The following CR2 variants were observed in gnomAD, a reference collection of about 807,000 sequenced individuals.
CR2 encodes complement receptor type 2.
Under a neutral mutation model 123.0 loss-of-function variants are expected in CR2, and 96 were observed. The ratio of observed to expected loss-of-function variants is 0.78; its 90% CI spans 0.66 to 0.93. The LOEUF is 0.93. Ranked by LOEUF, CR2 falls within the 40% of genes least tolerant of loss-of-function variation. The pLI, the probability that CR2 is intolerant of heterozygous loss-of-function variation, is 0.00. For missense variants in CR2, 1,258 were observed against 1,361.0 expected, an observed-to-expected ratio of 0.92 and a Z score of 1.19; for synonymous variants, 484 against 469.5, an observed-to-expected ratio of 1.03 and a Z score of -0.40.
chr1:207,466,645 G>GA lies in CR2; in HGVS notation c.184dup (p.Ser62LysfsTer7). 3.7e-6 allele frequency: 6 copies of GA among 1,614,068 alleles called. No homozygotes were observed. The highest frequency in any genetic ancestry group is 5.1e-6 in the Non-Finnish European group (6 of 1,179,976). On this transcript the variant is annotated frameshift_variant, in exon 2 of 20. Coordinates refer to ENST00000367057, the MANE Select transcript of CR2 (RefSeq NM_001006658.3). LOFTEE classifies it high-confidence loss of function. ...TTCAGGTACCTTCCGCCTCATTGGAGAAAAAAGTCTATTATGCATAACTAA... is the reference window on the plus strand; with the variant it reads ...TTCAGGTACCTTCCGCCTCATTGGAGAAAAAAAGTCTATTATGCATAACTAA...
intron 14 of CR2, 82 bp downstream of exon 14, chr1:207,475,298 C>A: frequency 6.7e-7 from 1 of 1,494,654 alleles, no homozygotes; most frequent in Admixed American, 1.9e-5. Context: ...TGACATTCTG[C>A]CTAAAGAAAA....
chr1:207,486,230 C>CAAAAAAAAAAAAAAAAA lies in CR2; in HGVS notation c.*18+668_*18+684dup, dbSNP rs1173937738. Among the ~76,000 whole-genome samples the CAAAAAAAAAAAAAAAAA allele has an allele frequency of 1.0e-3, 43 of 43,004 alleles. 4 individuals are homozygous for CAAAAAAAAAAAAAAAAA. Among genetic ancestry groups the CAAAAAAAAAAAAAAAAA allele is most frequent in the East Asian group, 8.8e-3 (6 of 680 alleles). 28.2% of individuals were successfully genotyped at this position (43,004 alleles called of 152,430 possible). On this transcript the variant is annotated intron_variant, in intron 19 of 19. Coordinates refer to ENST00000367057, the MANE Select transcript of CR2 (RefSeq NM_001006658.3). ...TGGACAACAGAGCAAGACTGCATCT[C>CAAAAAAAAAAAAAAAAA]AAAAAAAAAAAAAAAAAAAAAAAAA...
rs143614333 is a variant in CR2, at chr1:207,472,877, G to A, written c.1676G>A (p.Gly559Glu). Residue 559 changes from glycine to glutamate, a missense_variant, in exon 10 of 20, where the codon GGG becomes GAG. By Grantham distance (98) the Gly-to-Glu change is moderately conservative (BLOSUM62 -2). Transcript: ENST00000367057. ...ACGGTCACTTACACATGTAACCCTG[G>A]GCCAGAAAGAGGAGTGGAATTCAGC... The part of the protein sequence containing the change: ...GTTVTYTCNP[G>E]PERGVEFSLI... 6.3e-4 allele frequency: 1,009 copies of A among 1,613,946 alleles called. 4 individuals are homozygous for A. The Middle Eastern group carries it at 0.014, about 22-fold the overall frequency.
chr1:207,462,032 T>TATGTTAGGGTGTTAGG (rs1657979343), intron 1 of CR2, among the ~76,000 whole-genome samples: 1 of 152,176 alleles, frequency 6.6e-6, no homozygotes, highest in Non-Finnish European at 1.5e-5. Context: ...GTATCCATAC[T>TATGTTAGGGTGTTAGG]GTGTTAGGGT....
Position 207,475,272 on chromosome 1 carries a change from G to T in CR2, c.2716+56G>T, listed in dbSNP as rs544000344. On this transcript the variant is annotated intron_variant, in intron 14 of 19. Transcript: ENST00000367057. Reference sequence around the variant, plus strand: ...ATGTTGTACAGAATAAAGAAAAGAGGTTTTGAATCTGCACTTGACATTCTG... The same window carrying T: ...ATGTTGTACAGAATAAAGAAAAGAGTTTTTGAATCTGCACTTGACATTCTG... 4.6e-5 allele frequency: 73 copies of T among 1,583,874 alleles called. No individual in the cohort carries two copies. In the African/African-American group the frequency reaches 9.2e-4, roughly 20 times the overall value.
At chr1:207,486,045 A>G (rs1297626957) in intron 19 of CR2, among the ~76,000 whole-genome samples, 2 of 151,982 alleles carry the variant, frequency 1.3e-5, no homozygotes, top group East Asian at 3.9e-4. Context: ...ACTCTGTTCA[A>G]CATGGTAAAA....
rs1490877307 is a variant in CR2, at chr1:207,479,280, G to A, written c.3112G>A (p.Gly1038Ser). 5 of 1,596,230 alleles carry A rather than the reference G, an allele frequency of 3.1e-6. No homozygotes were observed. The highest frequency in any genetic ancestry group is 8.6e-7 in the Non-Finnish European group (1 of 1,164,812). The change falls in exon 17 of 20, where the codon GGT (glycine) becomes AGT (serine). Residue 1038 changes from glycine to serine, a missense_variant and splice_region_variant. By Grantham distance (56) the Gly-to-Ser change is moderately conservative (BLOSUM62 0). Coordinates refer to ENST00000367057, the MANE Select transcript of CR2 (RefSeq NM_001006658.3). Reference sequence around the variant, plus strand: ...AGGTTCACTTGCTCCTGTCCTTTGTGGTAAGTCTTCTTAAATACTTGAAGA... The same window carrying A: ...AGGTTCACTTGCTCCTGTCCTTTGTAGTAAGTCTTCTTAAATACTTGAAGA... Reference protein sequence around the residue: ...RSRSLAPVLCGIAAGLILLTF... With the variant: ...RSRSLAPVLCSIAAGLILLTF...
At chr1:207,474,099 C>A in intron 12 of CR2, 142 bp from the exon 13 acceptor site, 3 of 887,152 alleles carry the variant, frequency 3.4e-6, no homozygotes, top group Non-Finnish European at 5.5e-6. Flanking sequence ...AGTTTTTTTA[C>A]TTGGAGTAAA....
rs560015607 is a variant in CR2 at position 207,467,531 on chromosome 1, C to A, written c.445+619C>A. Among the ~76,000 whole-genome samples, 3 of 151,838 alleles carry A rather than the reference C, an allele frequency of 2.0e-5. No homozygotes were observed. In the South Asian group the frequency reaches 6.2e-4, roughly 32 times the overall value. ...AATATAAATCTGAATTTGAATTCCA[C>A]AATTACAAGAAATGGCAATATTTGA... On this transcript the variant is annotated intron_variant, in intron 2 of 19. Transcript: ENST00000367057.
intron 1 of CR2, among the ~76,000 whole-genome samples, chr1:207,463,392 A>G (rs1374923700): frequency 1.3e-5 from 2 of 152,176 alleles, no homozygotes; most frequent in South Asian, 4.1e-4. Context: ...CTCCAGAGAC[A>G]CTGCTTCAAG....
chr1:207,464,628 A>C (rs1658049284), intron 1 of CR2, among the ~76,000 whole-genome samples: 1 of 152,206 alleles, frequency 6.6e-6, no homozygotes, highest in Non-Finnish European at 1.5e-5. Flanking sequence ...AGAAGTTGAA[A>C]ATGGAGTTGT....
At chr1:207,474,129 G>T (rs549674860) in intron 12 of CR2, 112 bp from the exon 13 acceptor site, 2 of 1,022,210 alleles carry the variant, frequency 2.0e-6, no homozygotes, top group Non-Finnish European at 1.5e-6. Flanking sequence ...TTTTTTACTA[G>T]AATTTCAACT....
At chr1:207,475,835 C>G (rs555790865) in intron 14 of CR2, among the ~76,000 whole-genome samples, 62 of 152,340 alleles carry the variant, frequency 4.1e-4, no homozygotes, top group African/African-American at 1.4e-3. Context: ...TTGAGCTGAG[C>G]AGTGGCTGCC....
chr1:207,483,708 G>T lies in CR2; in HGVS notation c.3189-1756G>T, dbSNP rs527415164. On this transcript the variant is annotated intron_variant, in intron 18 of 19. Transcript: ENST00000367057. ...TGGCTCACATGAAGGCGATGAGGTG[G>T]ACCCCCTGACTCACTAAAAGAGGAG... Among the ~76,000 whole-genome samples, 219 of 152,180 alleles carry T rather than the reference G, an allele frequency of 1.4e-3. 1 individual carries two copies. Among genetic ancestry groups the T allele is most frequent in the African/African-American group, 4.1e-3 (171 of 41,504 alleles).
At chr1:207,473,290 TTC>T in intron 10 of CR2, 111 bp downstream of exon 10, 1 of 1,294,018 alleles carries the variant, frequency 7.7e-7, no homozygotes, top group South Asian at 1.3e-5. Flanking sequence ...ACAGATTACT[TTC>T]TGTTTCTTCC....
At chr1:207,479,793 G>C (rs1447013423) in intron 17 of CR2, among the ~76,000 whole-genome samples, 185 bp from the exon 18 acceptor site, 1 of 152,124 alleles carries the variant, frequency 6.6e-6, no homozygotes, top group African/African-American at 2.4e-5. Flanking sequence ...AAGGTGGACT[G>C]GATCAAATCA....
chr1:207,473,125 A>T lies in CR2; in HGVS notation c.1924A>T (p.Ile642Phe). Residue 642 changes from isoleucine (I) to phenylalanine (F), a missense_variant, in exon 10 of 20, where the codon ATT becomes TTT. Ile to Phe is a conservative substitution (Grantham distance 21). Coordinates refer to ENST00000367057, the MANE Select transcript of CR2 (RefSeq NM_001006658.3). Reference protein sequence around the residue: ...SGFTLKGSSQIRCKADNTWDP... With the variant: ...SGFTLKGSSQFRCKADNTWDP... ...ATTTACTTTGAAGGGCAGTAGTCAG[A>T]TTCGTTGCAAAGCTGATAACACCTG... The T allele has an allele frequency of 1.2e-6, 2 of 1,613,988 alleles. No homozygotes were observed. The highest frequency in any genetic ancestry group is 2.2e-5 in the South Asian group (2 of 91,088).
At chr1:207,470,533 CTG>C (rs1291856279) in intron 6 of CR2, among the ~76,000 whole-genome samples, 1 of 152,112 alleles carries the variant, frequency 6.6e-6, no homozygotes, top group African/African-American at 2.4e-5. Flanking sequence ...GCAGCAGCCT[CTG>C]TGCAGAAAAC....
In CR2 at chr1:207,475,336, G is replaced by A. The variant is rs1285677096; in HGVS notation, c.2716+120G>A. 9.1e-6 allele frequency: 10 copies of A among 1,095,402 alleles called. No individual in the cohort carries two copies. In the East Asian group the frequency reaches 2.5e-4, roughly 27 times the overall value. 67.9% of individuals were successfully genotyped at this position (1,095,402 alleles called of 1,614,324 possible). A position where few individuals can be genotyped will look rare whatever the true frequency, so the allele number is the denominator to read the frequency against. ...ATCTAAGAGCTAAGGCAGTTATATT[G>A]TTTTACAAGATATTTGCCTTTTCCT... On this transcript the variant is annotated intron_variant, in intron 14 of 19. Transcript: ENST00000367057.
Sources: allele counts gnomAD v4.1 joint callset (sites outside exome capture counted in the v4.1 genomes callset), GRCh38; gene constraint gnomAD v4.1.1; transcripts MANE v1.5; gene names NCBI Gene and HGNC (gene_info 2026-07-23, HGNC 2026-07-21).